SMPD3: variants seen among roughly 807,000 people sequenced by gnomAD.
SMPD3 encodes sphingomyelin phosphodiesterase 3.
SMPD3 carries 21 observed loss-of-function variants against 55.7 expected under a neutral mutation model. The ratio of observed to expected loss-of-function variants is 0.38; its 90% CI spans 0.27 to 0.54. SMPD3 has a LOEUF of 0.54. SMPD3 is among the 20% of genes least tolerant of loss of function. The pLI, the probability that SMPD3 is intolerant of heterozygous loss-of-function variation, is 0.80. For missense variants in SMPD3, 842 were observed against 899.6 expected (o/e 0.94, Z 0.82); for synonymous variants, 457 against 404.3 (o/e 1.13, Z -1.56).
rs904075092 is a variant in SMPD3, at chr16:68,364,755, G to A, written c.1551C>T (p.Ser517=). 3 of 1,612,958 alleles carry A rather than the reference G, an allele frequency of 1.9e-6. No individual in the cohort carries two copies. Among genetic ancestry groups the A allele is most frequent in the Non-Finnish European group, 2.5e-6 (3 of 1,179,498 alleles). Residue 517 remains serine (S), a synonymous_variant, in exon 5 of 9, where the codon TCC becomes TCT. Coordinates refer to ENST00000219334, the MANE Select transcript of SMPD3 (RefSeq NM_018667.4). The part of the protein sequence containing the change: ...VCGDFNFDNC[S]SDDKLEQQHS... Reference sequence around the variant, plus strand: ...TGGGGAGGAGCCCGGCCTCACCAGAGGAGCAGTTATCAAAGTTGAAATCTC... The same window carrying A: ...TGGGGAGGAGCCCGGCCTCACCAGAAGAGCAGTTATCAAAGTTGAAATCTC...
chr16:68,391,737 G>C, intron 1 of SMPD3, among the ~76,000 whole-genome samples: 1 of 152,154 alleles, frequency 6.6e-6, no homozygotes, highest in East Asian at 1.9e-4. Context: ...ACATCTAAGA[G>C]GGTAGAATGG....
At position 68,371,540 on chromosome 16, in the gene SMPD3, A is replaced by G. The variant is rs765938985; in HGVS notation, c.642T>C (p.Gly214=). 5.6e-6 allele frequency: 9 copies of G among 1,601,400 alleles called. No homozygotes were observed. In the South Asian group the frequency reaches 9.9e-5, roughly 18 times the overall value. ...IKRTASVEYK[G]DGGRHPGDEA... is the part of the protein sequence containing the mutation. Reference sequence around the variant, plus strand: ...CGTCACCGGGGTGCCGCCCACCGTCACCCTTGTACTCCACAGAGGCTGTCC... The same window carrying G: ...CGTCACCGGGGTGCCGCCCACCGTCGCCCTTGTACTCCACAGAGGCTGTCC... The change falls in exon 3 of 9, where the codon GGT becomes GGC. Residue 214 remains glycine (G), a synonymous_variant. Coordinates refer to ENST00000219334, the MANE Select transcript of SMPD3 (RefSeq NM_018667.4).
chr16:68,381,320 T>C (rs1184361947), intron 2 of SMPD3, among the ~76,000 whole-genome samples: 1 of 152,104 alleles, frequency 6.6e-6, no homozygotes, highest in East Asian at 1.9e-4. Context: ...CAGAACACCC[T>C]CCCCTTTGAG....
chr16:68,364,203 T>C (rs567273004), intron 5 of SMPD3, among the ~76,000 whole-genome samples: 1 of 152,278 alleles, frequency 6.6e-6, no homozygotes, highest in East Asian at 1.9e-4. Context: ...TTACAGCAAG[T>C]GTTTGCTGTT....
At chr16:68,427,092 G>T (rs1307782252) in intron 1 of SMPD3, among the ~76,000 whole-genome samples, 3 of 150,928 alleles carry the variant, frequency 2.0e-5, no homozygotes, top group Non-Finnish European at 4.4e-5. Context: ...CACCTCCGGG[G>T]TTCGAGCGGT....
At chr16:68,366,021 C>T (rs751970221) in intron 3 of SMPD3, among the ~76,000 whole-genome samples, 4 of 152,180 alleles carry the variant, frequency 2.6e-5, no homozygotes, top group African/African-American at 9.7e-5. Context: ...GGATTCCTTC[C>T]CTCCTGTGCC....
intron 1 of SMPD3, among the ~76,000 whole-genome samples, chr16:68,416,395 C>T (rs929873837): frequency 6.6e-6 from 1 of 152,190 alleles, no homozygotes; most frequent in African/African-American, 2.4e-5. Flanking sequence ...TACTTCCCGT[C>T]CCACTCTTCC....
intron 1 of SMPD3, among the ~76,000 whole-genome samples, chr16:68,413,293 C>T (rs1340666825): frequency 2.0e-5 from 3 of 152,218 alleles, no homozygotes; most frequent in East Asian, 1.9e-4. Context: ...TCTGCCTCTG[C>T]TCCAGGATAA....
At position 68,372,280 on chromosome 16, in the gene SMPD3, A is replaced by G. The variant is rs1347150734; in HGVS notation, c.-99T>C. Reference sequence around the variant, plus strand: ...GGGTGGGCGAGTTGGGGGCAGCTGGAGGAGGGGTCACCTCCTGGCGAGATG... The same window carrying G: ...GGGTGGGCGAGTTGGGGGCAGCTGGGGGAGGGGTCACCTCCTGGCGAGATG... On this transcript the variant is annotated 5_prime_UTR_variant, in exon 3 of 9. Coordinates refer to ENST00000219334, the MANE Select transcript of SMPD3 (RefSeq NM_018667.4). 2.7e-6 allele frequency: 4 copies of G among 1,483,260 alleles called. No homozygotes were observed. Among genetic ancestry groups the G allele is most frequent in the South Asian group, 1.3e-5 (1 of 78,526 alleles). The allele number at this position is 1,483,260 out of a possible 1,614,324, so 91.9% of individuals were successfully genotyped here.
At chr16:68,369,842 A>T (rs1182684145) in intron 3 of SMPD3, 1 of 152,224 alleles carries the variant, frequency 6.6e-6, no homozygotes, top group Non-Finnish European at 1.5e-5. Context: ...GGCAGGCGCC[A>T]GGTTGCGCAC....
At chr16:68,443,500 T>A (rs545751861) in intron 1 of SMPD3, among the ~76,000 whole-genome samples, 2 of 152,234 alleles carry the variant, frequency 1.3e-5, no homozygotes, top group African/African-American at 2.4e-5. Context: ...TTCCTCATGT[T>A]TTTTTTCCTT....
intron 1 of SMPD3, among the ~76,000 whole-genome samples, chr16:68,393,049 A>G (rs531899409): frequency 1.1e-4 from 16 of 152,250 alleles, no homozygotes; most frequent in African/African-American, 3.4e-4. Context: ...GTATTTTGTT[A>G]TGGTAGCCCA....
chr16:68,394,178 C>T (rs1597641490), intron 1 of SMPD3, among the ~76,000 whole-genome samples: 3 of 152,214 alleles, frequency 2.0e-5, no homozygotes, highest in East Asian at 3.9e-4. Flanking sequence ...TTCCTGATGT[C>T]TCCTTTATGT....
At chr16:68,434,620 A>G (rs561714510) in intron 1 of SMPD3, among the ~76,000 whole-genome samples, 30 of 152,314 alleles carry the variant, frequency 2.0e-4, no homozygotes, top group African/African-American at 7.2e-4. Context: ...TAACCATTCC[A>G]GGTGGCCCCC....
intron 1 of SMPD3, among the ~76,000 whole-genome samples, chr16:68,445,104 G>A (rs1227886754): frequency 6.6e-6 from 1 of 152,196 alleles, no homozygotes; most frequent in Non-Finnish European, 1.5e-5. Context: ...CTGTCATTAG[G>A]CCTGGAAAGC....
chr16:68,405,109 C>T (rs1033767629), intron 1 of SMPD3, among the ~76,000 whole-genome samples: 5 of 152,212 alleles, frequency 3.3e-5, no homozygotes, highest in Non-Finnish European at 7.3e-5. Flanking sequence ...ACCTATTCTA[C>T]TAGCAGAGTT....
intron 2 of SMPD3, among the ~76,000 whole-genome samples, chr16:68,386,163 A>G (rs1244269056): frequency 6.6e-6 from 1 of 151,768 alleles, no homozygotes; most frequent in Admixed American, 6.6e-5. Context: ...TAGAGATTGC[A>G]GTGAGCTGAG....
At chr16:68,413,787 G>A (rs898361524) in intron 1 of SMPD3, among the ~76,000 whole-genome samples, 1 of 152,198 alleles carries the variant, frequency 6.6e-6, no homozygotes, top group African/African-American at 2.4e-5. Context: ...AATGGGTAGA[G>A]CATGGGCTGT....
Position 68,358,543 on chromosome 16 carries a change from A to G in SMPD3, c.*2663T>C, listed in dbSNP as rs1481369267. The G allele has an allele frequency of 1.3e-5, 2 of 152,684 alleles. No homozygotes were observed. Among genetic ancestry groups the G allele is most frequent in the African/African-American group, 2.4e-5 (1 of 41,476 alleles). 9.5% of individuals were successfully genotyped at this position (152,684 alleles called of 1,614,324 possible). A position where few individuals can be genotyped will look rare whatever the true frequency, so the allele number is the denominator to read the frequency against. On this transcript the variant is annotated 3_prime_UTR_variant, in exon 9 of 9. Transcript: ENST00000219334. ...CCCTAATGTCCCATGAAGATACAAT[A>G]CAGAAAAAAATACAGAAATTAAAAA...
Sources: allele counts gnomAD v4.1 joint callset (sites outside exome capture counted in the v4.1 genomes callset), GRCh38; gene constraint gnomAD v4.1.1; transcripts MANE v1.5; gene names NCBI Gene and HGNC (gene_info 2026-07-23, HGNC 2026-07-21).